BRINP2: variants seen among roughly 807,000 people sequenced by gnomAD.
BRINP2 encodes BMP/retinoic acid inducible neural specific 2.
Under a neutral mutation model 69.2 loss-of-function variants are expected in BRINP2, and 21 were observed. That is an observed-to-expected ratio of 0.30 (90% CI 0.22 to 0.44). The LOEUF (loss-of-function observed/expected upper bound fraction) is 0.44. Among genes scored for constraint, BRINP2 ranks in the 20% least tolerant of loss-of-function variants. BRINP2 has a pLI of 1.00. For missense variants in BRINP2, 877 were observed against 986.0 expected, an observed-to-expected ratio of 0.89 and a Z score of 1.48; for synonymous variants, 380 against 394.1, an observed-to-expected ratio of 0.96 and a Z score of 0.42.
intron 1 of BRINP2, among the ~76,000 whole-genome samples, chr1:177,178,674 A>G (rs752203001): frequency 6.6e-6 from 1 of 152,056 alleles, no homozygotes; most frequent in East Asian, 1.9e-4. Flanking sequence ...TGACTTGTTG[A>G]TATGGCCATC....
chr1:177,263,562 C>T (rs978855815), intron 4 of BRINP2, among the ~76,000 whole-genome samples: 1 of 152,144 alleles, frequency 6.6e-6, no homozygotes, highest in African/African-American at 2.4e-5. Flanking sequence ...TCAGCTATAT[C>T]GTGGTTAGAA....
chr1:177,275,813 A>T (rs1221019332), intron 5 of BRINP2, among the ~76,000 whole-genome samples: 1 of 152,178 alleles, frequency 6.6e-6, no homozygotes, highest in Non-Finnish European at 1.5e-5. Context: ...AGCCCATCAA[A>T]CCTTGTTTTC....
intron 1 of BRINP2, among the ~76,000 whole-genome samples, chr1:177,224,135 G>C (rs868839320): frequency 6.6e-6 from 1 of 152,108 alleles, no homozygotes; most frequent in Admixed American, 6.5e-5. Context: ...TGTAAAAACA[G>C]GAGGTTTTGC....
intron 2 of BRINP2, among the ~76,000 whole-genome samples, chr1:177,235,843 A>G (rs1650004410): frequency 6.6e-6 from 1 of 152,192 alleles, no homozygotes; most frequent in Non-Finnish European, 1.5e-5. Context: ...GGGAAGTTGT[A>G]GTTCTCAGGT....
chr1:177,211,695 T>C (rs1320332167), intron 1 of BRINP2, among the ~76,000 whole-genome samples: 1 of 152,130 alleles, frequency 6.6e-6, no homozygotes, highest in Non-Finnish European at 1.5e-5. Context: ...AGCTGGCACA[T>C]GATTTTTATT....
intron 5 of BRINP2, chr1:177,275,313 G>A: frequency 4.4e-6 from 2 of 450,148 alleles, no homozygotes; most frequent in Middle Eastern, 3.3e-4. Context: ...TTCTATCCAA[G>A]ATCAGAAGTT....
rs566727760 is a variant in BRINP2 at position 177,244,959 on chromosome 1, G to A, written c.270-10960G>A. On this transcript the variant is annotated intron_variant, in intron 2 of 7. Coordinates refer to ENST00000361539, the MANE Select transcript of BRINP2 (RefSeq NM_021165.4). ...GCCAAACCCAATATCACTGAGGGAAGGAAATAAGCTCCCCTCTCACAAGTG... is the reference window on the plus strand; with the variant it reads ...GCCAAACCCAATATCACTGAGGGAAAGAAATAAGCTCCCCTCTCACAAGTG... Among the ~76,000 whole-genome samples the A allele has an allele frequency of 7.2e-5, 11 of 152,154 alleles. No individual in the cohort carries two copies. The East Asian group carries it at 1.4e-3, about 19-fold the overall frequency.
chr1:177,187,655 A>T (rs1648467167), intron 1 of BRINP2, among the ~76,000 whole-genome samples: 1 of 152,106 alleles, frequency 6.6e-6, no homozygotes, highest in Non-Finnish European at 1.5e-5. Flanking sequence ...TCAACCACTC[A>T]TGTATGTCGG....
intron 2 of BRINP2, among the ~76,000 whole-genome samples, chr1:177,245,287 A>G (rs769258298): frequency 1.3e-5 from 2 of 152,070 alleles, no homozygotes; most frequent in Non-Finnish European, 2.9e-5. Flanking sequence ...TTGACAAGCT[A>G]GATTGCAAGC....
chr1:177,256,611 G>T, intron 3 of BRINP2: 19 of 985,438 alleles, frequency 1.9e-5, no homozygotes, highest in Non-Finnish European at 1.8e-5. Flanking sequence ...AGCAATGTGG[G>T]CTAGGACCCA....
intron 4 of BRINP2, among the ~76,000 whole-genome samples, chr1:177,266,947 G>T (rs182857985): frequency 1.3e-5 from 2 of 152,196 alleles, no homozygotes; most frequent in East Asian, 3.9e-4. Flanking sequence ...GAGACTATGA[G>T]GTCCTTGTGG....
intron 6 of BRINP2, among the ~76,000 whole-genome samples, chr1:177,277,675 A>T (rs1651544164): frequency 6.6e-6 from 1 of 152,052 alleles, no homozygotes; most frequent in South Asian, 2.1e-4. Flanking sequence ...GCGAAGGAGA[A>T]TATCACATTC....
intron 1 of BRINP2, among the ~76,000 whole-genome samples, chr1:177,224,849 T>C (rs1181266992): frequency 6.6e-6 from 1 of 152,236 alleles, no homozygotes; most frequent in Non-Finnish European, 1.5e-5. Flanking sequence ...AACAACCTTG[T>C]TACCTACAAT....
intron 1 of BRINP2, among the ~76,000 whole-genome samples, chr1:177,202,238 T>C (rs1232393518): frequency 6.6e-6 from 1 of 152,340 alleles, no homozygotes; most frequent in African/African-American, 2.4e-5. Context: ...TCTTGCCTTC[T>C]GCTAGCTTTT....
intron 4 of BRINP2, among the ~76,000 whole-genome samples, chr1:177,267,856 C>T (rs1558183925): frequency 6.6e-6 from 1 of 152,162 alleles, no homozygotes; most frequent in Non-Finnish European, 1.5e-5. Flanking sequence ...AAGAGGTCAC[C>T]ATCCTTGGAA....
intron 4 of BRINP2, among the ~76,000 whole-genome samples, chr1:177,264,236 A>G (rs1282514319): frequency 6.6e-6 from 1 of 152,148 alleles, no homozygotes; most frequent in African/African-American, 2.4e-5. Context: ...TCACTCTTTA[A>G]TGGCCTCATT....
At chr1:177,280,390 C>T in intron 7 of BRINP2, 22 bp from the exon 8 acceptor site, 1 of 1,563,608 alleles carries the variant, frequency 6.4e-7, no homozygotes, top group Non-Finnish European at 8.7e-7. Flanking sequence ...ACTCTTACTT[C>T]ATTTTATCTC....
chr1:177,249,938 G>A (rs1318566845), intron 2 of BRINP2, among the ~76,000 whole-genome samples: 1 of 152,176 alleles, frequency 6.6e-6, no homozygotes, highest in Non-Finnish European at 1.5e-5. Flanking sequence ...AAACTTATTG[G>A]GGTAGAAGAG....
intron 1 of BRINP2, among the ~76,000 whole-genome samples, chr1:177,190,876 C>T (rs867036139): frequency 1.3e-5 from 2 of 152,178 alleles, no homozygotes; most frequent in Admixed American, 6.5e-5. Flanking sequence ...GTATCTTCCT[C>T]ATAGGGTTAT....
Sources: allele counts gnomAD v4.1 joint callset (sites outside exome capture counted in the v4.1 genomes callset), GRCh38; gene constraint gnomAD v4.1.1; transcripts MANE v1.5; gene names NCBI Gene and HGNC (gene_info 2026-07-23, HGNC 2026-07-21).